PCDHGA7: variants seen among roughly 807,000 people sequenced by gnomAD.
PCDHGA7 encodes protocadherin gamma-A7.
A neutral mutation model predicts 58.3 loss-of-function variants in PCDHGA7; 44 were observed. The observed-to-expected ratio is 0.75, with a 90% CI of 0.59 to 0.97. The LOEUF (loss-of-function observed/expected upper bound fraction) is 0.97. Among genes scored for constraint, PCDHGA7 ranks in the 50% least tolerant of loss-of-function variants. The pLI, the probability that PCDHGA7 is intolerant of heterozygous loss-of-function variation, is 0.00. For missense variants in PCDHGA7, 1,266 were observed against 1,188.7 expected, an observed-to-expected ratio of 1.06 and a Z score of -0.96; for synonymous variants, 516 against 504.2, an observed-to-expected ratio of 1.02 and a Z score of -0.31.
chr5:141,502,039 G>T (rs2099812498), intron 2 of PCDHGA7, among the ~76,000 whole-genome samples: 1 of 152,126 alleles, frequency 6.6e-6, no homozygotes, highest in South Asian at 2.1e-4. Context: ...CCGCTTGCCT[G>T]CTCTCCCTAC....
rs116187844 is a variant in PCDHGA7, at chr5:141,424,198, C to T, written c.2424+38875C>T. The T allele has an allele frequency of 8.5e-3, 1,543 of 182,010 alleles. 28 individuals are homozygous for T. Among genetic ancestry groups the T allele is most frequent in the African/African-American group, 0.035 (1,445 of 41,852 alleles). The allele number at this position is 182,010 out of a possible 1,614,324, so 11.3% of individuals were successfully genotyped here. ...ATACACATGCACACACACTTATACA[C>T]GTAAGCTTTTCTCTGAGCAATTTTA... On this transcript the variant is annotated intron_variant, in intron 1 of 3. Coordinates refer to ENST00000518325, the MANE Select transcript of PCDHGA7 (RefSeq NM_018920.4).
intron 1 of PCDHGA7, chr5:141,428,461 G>A: frequency 2.8e-6 from 1 of 352,014 alleles, no homozygotes; most frequent in South Asian, 2.8e-5. Flanking sequence ...CAACTACAAT[G>A]AGGGAACTTT....
intron 1 of PCDHGA7, 138 bp from the exon 2 acceptor site, chr5:141,494,669 T>A: frequency 6.5e-7 from 1 of 1,527,472 alleles, no homozygotes; most frequent in South Asian, 1.2e-5. Context: ...TGGAGATGAG[T>A]CCACCCCTGC....
intron 1 of PCDHGA7, among the ~76,000 whole-genome samples, chr5:141,443,514 C>T (rs1386662758): frequency 6.6e-6 from 1 of 152,056 alleles, no homozygotes; most frequent in Non-Finnish European, 1.5e-5. Flanking sequence ...AAGAGCTTCT[C>T]TCCTTATGAC....
intron 2 of PCDHGA7, among the ~76,000 whole-genome samples, chr5:141,497,016 C>G (rs1384415729): frequency 6.6e-6 from 1 of 152,056 alleles, no homozygotes; most frequent in East Asian, 1.9e-4. Context: ...TGGTGAAACC[C>G]CATCTCGATT....
rs754034325 is a variant in PCDHGA7 at position 141,413,380 on chromosome 5, C to T, written c.2424+28057C>T. On this transcript the variant is annotated intron_variant, in intron 1 of 3. Coordinates refer to ENST00000518325, the MANE Select transcript of PCDHGA7 (RefSeq NM_018920.4). ...CCGGGAGCTGGCGGAGCGCGGAGTC[C>T]GCATAGTCTCCAGAGGTAGGACGCA... is the stretch of plus-strand genomic sequence containing the variant. 4 of 1,613,962 alleles carry T rather than the reference C, an allele frequency of 2.5e-6. No individual in the cohort carries two copies. In the Middle Eastern group the frequency reaches 5.0e-4, roughly 200 times the overall value.
rs1187072972 is a variant in PCDHGA7 at position 141,487,553 on chromosome 5, C to T, written c.2425-7254C>T. 4 of 1,614,050 alleles carry T rather than the reference C, an allele frequency of 2.5e-6. No individual in the cohort carries two copies. The African/African-American group carries it at 4.0e-5, about 16-fold the overall frequency. On this transcript the variant is annotated intron_variant, in intron 1 of 3. Coordinates refer to ENST00000518325, the MANE Select transcript of PCDHGA7 (RefSeq NM_018920.4). The surrounding 1 kb of genome is among the most constrained non-coding windows in gnomAD (Gnocchi z 5.0). ...CATGATGGTGAAGTCACCCAGTGCA[C>T]CTATGGCAGGGGAGCCTGTTCGCCC...
chr5:141,423,246 G>A, intron 1 of PCDHGA7: 15 of 1,613,922 alleles, frequency 9.3e-6, no homozygotes, highest in Non-Finnish European at 1.3e-5. Context: ...CCGAAGTCCT[G>A]GCGGACCTCG....
At chr5:141,399,597 C>A in intron 1 of PCDHGA7, 3 of 1,613,958 alleles carry the variant, frequency 1.9e-6, no homozygotes, top group Non-Finnish European at 2.5e-6. Context: ...TCATGGCCAG[C>A]GACCTAGAGC....
rs1686238986 is a variant in PCDHGA7 at position 141,431,536 on chromosome 5, G to A, written c.2424+46213G>A. The A allele has an allele frequency of 6.2e-7, 1 of 1,614,070 alleles. No homozygotes were observed. Among genetic ancestry groups the A allele is most frequent in the African/African-American group, 1.3e-5 (1 of 75,064 alleles). On this transcript the variant is annotated intron_variant, in intron 1 of 3. Transcript: ENST00000518325. The surrounding 1 kb of genome is among the most constrained non-coding windows in gnomAD (Gnocchi z 4.8). ...TTCCGGAGAATCTGGCCTTGGGCAC[G>A]CAGCTGCTTGTAGTCAACGCTACCG... is the stretch of plus-strand genomic sequence containing the variant.
intron 1 of PCDHGA7, chr5:141,421,203 G>A (rs779780797): frequency 2.6e-6 from 4 of 1,522,494 alleles, no homozygotes; most frequent in African/African-American, 1.4e-5. Context: ...TCGAGAAACC[G>A]CGGAATATCG....
chr5:141,403,729 C>G (rs1409756180), intron 1 of PCDHGA7: 1 of 1,613,896 alleles, frequency 6.2e-7, no homozygotes, highest in Non-Finnish European at 8.5e-7. Context: ...CCCCAGGCAC[C>G]TGGCTGCTTA....
chr5:141,485,070 G>T lies in PCDHGA7; in HGVS notation c.2425-9737G>T. ...CGCCGGCCGAACCGCGCCAGAGCTG[G>T]CGCGGGGAAAGGGAGATAGGTGTCT... On this transcript the variant is annotated intron_variant, in intron 1 of 3. Coordinates refer to ENST00000518325, the MANE Select transcript of PCDHGA7 (RefSeq NM_018920.4). This position sits in a 1 kb window ranked among gnomAD's most constrained non-coding sequence, Gnocchi z 5.7. 1.1e-6 allele frequency: 1 copy of T among 908,406 alleles called. No individual in the cohort carries two copies. Among genetic ancestry groups the T allele is most frequent in the East Asian group, 2.4e-5 (1 of 41,326 alleles). 56.3% of individuals were successfully genotyped at this position (908,406 alleles called of 1,614,324 possible).
chr5:141,404,350 C>T (rs757103755), intron 1 of PCDHGA7: 1 of 1,613,894 alleles, frequency 6.2e-7, no homozygotes, highest in Non-Finnish European at 8.5e-7. Flanking sequence ...AAAACAACGC[C>T]AGAGGTACTT....
At chr5:141,388,568 ACACG>A in intron 1 of PCDHGA7, 1 of 1,613,888 alleles carries the variant, frequency 6.2e-7, no homozygotes, top group Non-Finnish European at 8.5e-7. Context: ...CTGCACAGAT[ACACG>A]TTCTAGTGAC....
At chr5:141,419,781 G>A in intron 1 of PCDHGA7, 1 of 1,614,032 alleles carries the variant, frequency 6.2e-7, no homozygotes, top group Non-Finnish European at 8.5e-7. Flanking sequence ...GTCCGCCAGC[G>A]CCTGCTAGTC....
intron 1 of PCDHGA7, chr5:141,428,009 A>G (rs778602169): frequency 3.7e-6 from 6 of 1,602,358 alleles, no homozygotes; most frequent in African/African-American, 2.7e-5. Context: ...TCTTCGATAT[A>G]GTGCCACGCG....
intron 1 of PCDHGA7, among the ~76,000 whole-genome samples, chr5:141,492,632 C>T (rs1359761285): frequency 1.3e-5 from 2 of 152,256 alleles, no homozygotes; most frequent in Admixed American, 1.3e-4. Context: ...CAGGACTCTA[C>T]GATCCTTGGG....
At chr5:141,443,055 C>G (rs994152277) in intron 1 of PCDHGA7, among the ~76,000 whole-genome samples, 1 of 152,208 alleles carries the variant, frequency 6.6e-6, no homozygotes, top group Non-Finnish European at 1.5e-5. Flanking sequence ...TATTGTTCCA[C>G]TGAAGAGCGT....
Sources: gnomAD v4.1 joint callset for allele counts (sites outside exome capture counted in the v4.1 genomes callset) on GRCh38, gnomAD v4.1.1 for gene constraint, Gnocchi (gnomAD v3.1) non-coding constraint, MANE v1.5 for transcripts, NCBI Gene and HGNC (gene_info 2026-07-23, HGNC 2026-07-21) for gene names.